The following FAM110B variants were observed in gnomAD, a reference collection of about 807,000 sequenced individuals.
FAM110B encodes protein FAM110B.
A neutral mutation model predicts 20.4 loss-of-function variants in FAM110B; 6 were observed. The ratio of observed to expected loss-of-function variants is 0.29; its 90% CI spans 0.16 to 0.58. FAM110B has a LOEUF of 0.58. FAM110B is among the 20% of genes least tolerant of loss of function. FAM110B has a pLI of 0.90. For synonymous variants in FAM110B, 226 were observed against 214.1 expected (o/e 1.06, Z -0.49); for missense variants, 434 against 498.2 (o/e 0.87, Z 1.23).
chr8:58,030,862 C>T (rs1238898515), intron 1 of FAM110B, among the ~76,000 whole-genome samples: 1 of 152,138 alleles, frequency 6.6e-6, no homozygotes, highest in African/African-American at 2.4e-5. Flanking sequence ...TTTCATGACT[C>T]GTCCCAGTAT....
chr8:58,109,755 G>T (rs889578802), intron 3 of FAM110B, among the ~76,000 whole-genome samples: 2 of 152,160 alleles, frequency 1.3e-5, no homozygotes, highest in Non-Finnish European at 2.9e-5. Flanking sequence ...TCGGAAACAC[G>T]AAAGGCTGTA....
chr8:58,076,215 G>A (rs183630086), intron 3 of FAM110B, among the ~76,000 whole-genome samples: 16 of 152,290 alleles, frequency 1.1e-4, no homozygotes, highest in Admixed American at 5.2e-4. Context: ...CCACCTCGCC[G>A]TTGCAAAGTG....
intron 1 of FAM110B, among the ~76,000 whole-genome samples, chr8:58,030,145 C>T (rs1321511010): frequency 6.6e-6 from 1 of 152,168 alleles, no homozygotes; most frequent in African/African-American, 2.4e-5. Context: ...ATTTCTCTAA[C>T]ATAATAACAG....
chr8:58,040,234 A>G (rs957419440), intron 2 of FAM110B, among the ~76,000 whole-genome samples: 3 of 152,122 alleles, frequency 2.0e-5, no homozygotes, highest in Admixed American at 1.3e-4. Flanking sequence ...TTTGGGCACA[A>G]ATAATTCTGT....
chr8:58,135,672 ATGCAAAG>A (rs1234987787), intron 3 of FAM110B, among the ~76,000 whole-genome samples: 1 of 152,210 alleles, frequency 6.6e-6, no homozygotes, highest in Non-Finnish European at 1.5e-5. Flanking sequence ...AAGCAGTAAC[ATGCAAAG>A]TGCGGACCCT....
intron 3 of FAM110B, among the ~76,000 whole-genome samples, chr8:58,131,887 G>A (rs1385050762): frequency 6.6e-6 from 1 of 152,154 alleles, no homozygotes; most frequent in East Asian, 1.9e-4. Flanking sequence ...TCCCTTGAGG[G>A]CAGAGCTTAG....
intron 3 of FAM110B, among the ~76,000 whole-genome samples, chr8:58,144,120 G>A (rs1315623561): frequency 6.6e-6 from 1 of 152,172 alleles, no homozygotes; most frequent in Admixed American, 6.5e-5. Flanking sequence ...TCCCACTCTA[G>A]TCCTCAGGCA....
At chr8:58,103,029 A>G (rs1374671131) in intron 3 of FAM110B, among the ~76,000 whole-genome samples, 2 of 147,954 alleles carry the variant, frequency 1.4e-5, no homozygotes, top group Non-Finnish European at 3.0e-5. Flanking sequence ...AAAAAAGGCC[A>G]ATTGAATTAA....
intron 3 of FAM110B, among the ~76,000 whole-genome samples, chr8:58,133,869 G>C (rs987273343): frequency 1.3e-5 from 2 of 152,228 alleles, no homozygotes; most frequent in African/African-American, 4.8e-5. Context: ...AGCTGAACTG[G>C]GCCTGGGCAA....
At chr8:57,997,364 T>G (rs1321051673) in intron 1 of FAM110B, among the ~76,000 whole-genome samples, 1 of 152,252 alleles carries the variant, frequency 6.6e-6, no homozygotes, top group Admixed American at 6.5e-5. Context: ...CATTTTTCTG[T>G]CTGAAAGCCA....
chr8:58,049,645 T>C (rs1585842129), intron 2 of FAM110B, among the ~76,000 whole-genome samples: 1 of 152,244 alleles, frequency 6.6e-6, no homozygotes, highest in Non-Finnish European at 1.5e-5. Context: ...CCACTAATAT[T>C]GTACTGATTG....
At position 58,052,772 on chromosome 8, in the gene FAM110B, C is replaced by CTTTTTT. The variant is rs71248165; in HGVS notation, c.-414+21095_-414+21100dup. On this transcript the variant is annotated intron_variant, in intron 2 of 3. Coordinates refer to ENST00000519262, the MANE Select transcript of FAM110B (RefSeq NM_001377989.1). ...TAGAGTGTGGTGAGAGTGATGGACT[C>CTTTTTT]TTTTTTTTTTTTTTTTTTTTTTTTT... Among the ~76,000 whole-genome samples the CTTTTTT allele has an allele frequency of 1.3e-4, 7 of 52,340 alleles. 1 individual carries two copies. Among genetic ancestry groups the CTTTTTT allele is most frequent in the Admixed American group, 2.8e-4 (1 of 3,530 alleles). 34.3% of individuals were successfully genotyped at this position (52,340 alleles called of 152,430 possible).
In FAM110B at chr8:58,146,158, A is replaced by G; in HGVS notation, c.-73A>G. 5 of 1,503,968 alleles carry G rather than the reference A, an allele frequency of 3.3e-6. No individual in the cohort carries two copies. The highest frequency in any genetic ancestry group is 4.4e-6 in the Non-Finnish European group (5 of 1,124,718). The allele number at this position is 1,503,968 out of a possible 1,614,324, so 93.2% of individuals were successfully genotyped here. ...CCGCCGCCCTTGGCGCTTCATGTAC[A>G]TGTGTCTATTCAGGCCTTGCGGAGG... On this transcript the variant is annotated 5_prime_UTR_variant, in exon 4 of 4. The change abolishes an upstream ATG in the 5' untranslated region. Coordinates refer to ENST00000519262, the MANE Select transcript of FAM110B (RefSeq NM_001377989.1).
intron 3 of FAM110B, among the ~76,000 whole-genome samples, chr8:58,133,242 G>A (rs1209563706): frequency 6.7e-6 from 1 of 149,472 alleles, no homozygotes; most frequent in South Asian, 2.1e-4. Flanking sequence ...AGGCACAAAT[G>A]GGGAGGCCGG....
At chr8:58,099,293 G>A (rs1806718102) in intron 3 of FAM110B, among the ~76,000 whole-genome samples, 1 of 151,770 alleles carries the variant, frequency 6.6e-6, no homozygotes, top group Non-Finnish European at 1.5e-5. Flanking sequence ...AACTTGATGA[G>A]CACCCAAATG....
At chr8:58,142,897 C>T (rs888556614) in intron 3 of FAM110B, among the ~76,000 whole-genome samples, 2 of 152,204 alleles carry the variant, frequency 1.3e-5, no homozygotes, top group Admixed American at 6.5e-5. Context: ...CTCAGCCTGG[C>T]GGTTGGCCTA....
chr8:58,093,810 T>C (rs1806548477), intron 3 of FAM110B, among the ~76,000 whole-genome samples: 1 of 152,210 alleles, frequency 6.6e-6, no homozygotes, highest in Admixed American at 6.5e-5. Context: ...TTGATGGGGA[T>C]AGCATTGAAT....
intron 3 of FAM110B, among the ~76,000 whole-genome samples, chr8:58,130,662 C>T (rs1803438661): frequency 6.6e-6 from 1 of 152,144 alleles, no homozygotes; most frequent in Admixed American, 6.5e-5. Context: ...CAGTGCCCAG[C>T]GTGAGTATAA....
intron 1 of FAM110B, among the ~76,000 whole-genome samples, chr8:58,028,230 A>G (rs1304064219): frequency 6.6e-6 from 1 of 152,096 alleles, no homozygotes; most frequent in Non-Finnish European, 1.5e-5. Context: ...CAGCCTCCCA[A>G]GTAGCTGGGA....
Sources: gnomAD v4.1 joint callset for allele counts (sites outside exome capture counted in the v4.1 genomes callset) on GRCh38, gnomAD v4.1.1 for gene constraint, MANE v1.5 for transcripts, NCBI Gene and HGNC (gene_info 2026-07-23, HGNC 2026-07-21) for gene names.